Variants in PLPP1 observed in about 807,000 individuals in gnomAD.
PLPP1 encodes the protein lipid phosphate phosphohydrolase 1a.
A neutral mutation model predicts 31.2 loss-of-function variants in PLPP1; 24 were observed. The observed-to-expected ratio is 0.77, with a 90% CI of 0.56 to 1.08. PLPP1 has a LOEUF of 1.08. Among genes scored for constraint, PLPP1 ranks in the 50% least tolerant of loss-of-function variants. The pLI is 0.00. For synonymous variants in PLPP1, 146 were observed against 126.3 expected, an observed-to-expected ratio of 1.16 and a Z score of -1.05; for missense variants, 319 against 342.7, an observed-to-expected ratio of 0.93 and a Z score of 0.55.
At chr5:55,524,368 T>C (rs919057062) in intron 1 of PLPP1, among the ~76,000 whole-genome samples, 4 of 152,160 alleles carry the variant, frequency 2.6e-5, no homozygotes, top group African/African-American at 9.7e-5. Flanking sequence ...CTGTGGGCCA[T>C]GGGTCGGACA....
chr5:55,443,127 C>G (rs1464292404), intron 3 of PLPP1, among the ~76,000 whole-genome samples: 1 of 144,982 alleles, frequency 6.9e-6, no homozygotes, highest in Non-Finnish European at 1.5e-5. Context: ...ACTGGAAAGT[C>G]ACGTGTGTAT....
chr5:55,528,428 T>G (rs1740545615), intron 1 of PLPP1, among the ~76,000 whole-genome samples: 1 of 152,228 alleles, frequency 6.6e-6, no homozygotes, highest in Non-Finnish European at 1.5e-5. Context: ...ATCATTAGAC[T>G]CTGAGCCCTT....
intron 1 of PLPP1, among the ~76,000 whole-genome samples, chr5:55,512,409 T>TCAA (rs1753434931): frequency 6.6e-6 from 1 of 150,554 alleles, no homozygotes; most frequent in Non-Finnish European, 1.5e-5. Flanking sequence ...AAGTGGAGGT[T>TCAA]GTAGTGAGCT....
At chr5:55,458,116 T>C (rs948123991) in intron 3 of PLPP1, among the ~76,000 whole-genome samples, 5 of 152,190 alleles carry the variant, frequency 3.3e-5, no homozygotes, top group African/African-American at 1.2e-4. Flanking sequence ...CCCACTTCCA[T>C]TTTATTAAGT....
chr5:55,511,958 C>G (rs1753423489), intron 1 of PLPP1, among the ~76,000 whole-genome samples: 2 of 151,394 alleles, frequency 1.3e-5, no homozygotes, highest in African/African-American at 4.9e-5. Context: ...CTGAGCCACT[C>G]TACTAAAAAT....
chr5:55,475,657 CAA>C (rs1752522734), intron 1 of PLPP1, among the ~76,000 whole-genome samples: 3 of 152,294 alleles, frequency 2.0e-5, no homozygotes, highest in Admixed American at 1.3e-4. Context: ...CTACAGCAAA[CAA>C]AGTGTTCAAA....
chr5:55,485,693 TAA>T lies in PLPP1; in HGVS notation c.59-10245_59-10244del, dbSNP rs574707251. Among the ~76,000 whole-genome samples, 40 of 152,188 alleles carry T rather than the reference TAA, an allele frequency of 2.6e-4. 2 individuals are homozygous for T. The East Asian group carries it at 6.2e-3, about 23-fold the overall frequency. ...CAAGGGAGGGGAAAAACAGAAAATA[TAA>T]GAGACCAAATGAAAATATCTCATAT... On this transcript the variant is annotated intron_variant, in intron 1 of 5. Transcript: ENST00000307259.
At chr5:55,495,186 A>C (rs1343753482) in intron 1 of PLPP1, among the ~76,000 whole-genome samples, 1 of 152,076 alleles carries the variant, frequency 6.6e-6, no homozygotes, top group Non-Finnish European at 1.5e-5. Context: ...ATTCAGGGTA[A>C]AGATCAGAAG....
chr5:55,456,314 G>A lies in PLPP1; in HGVS notation c.491+11555C>T, dbSNP rs191102936. Among the ~76,000 whole-genome samples, 63 of 152,238 alleles carry A rather than the reference G, an allele frequency of 4.1e-4. 1 individual carries two copies. The highest frequency in any genetic ancestry group is 3.9e-3 in the Admixed American group (59 of 15,280). On this transcript the variant is annotated intron_variant, in intron 3 of 5. Transcript: ENST00000307259. ...TGTGCTACGTGCAAGAGAGAGAATG[G>A]CGGGGAGAAAAGAGAGTCAATGGGA...
intron 1 of PLPP1, among the ~76,000 whole-genome samples, chr5:55,498,621 C>A (rs1209439664): frequency 1.3e-5 from 2 of 151,768 alleles, no homozygotes; most frequent in African/African-American, 4.8e-5. Flanking sequence ...TCTTATGTAA[C>A]CATAAACTTA....
chr5:55,490,974 A>G (rs1561244240), intron 1 of PLPP1: 1 of 1,611,602 alleles, frequency 6.2e-7, no homozygotes, highest in Admixed American at 1.7e-5. Context: ...GAAATGGGCA[A>G]GCCAACCCCC....
chr5:55,534,431 G>T, intron 1 of PLPP1, 141 bp downstream of exon 1: 2 of 883,464 alleles, frequency 2.3e-6, no homozygotes, highest in Non-Finnish European at 3.2e-6. Context: ...GGGGTCCCTC[G>T]GCTGCAGAAG....
intron 5 of PLPP1, 72 bp downstream of exon 5, chr5:55,425,783 TTTTTTGGA>T: frequency 8.1e-7 from 1 of 1,230,578 alleles, no homozygotes; most frequent in South Asian, 1.8e-5. Flanking sequence ...CAGCTGGGGA[TTTTTTGGA>T]TTTTTTTTTT....
chr5:55,439,397 T>C (rs766610300), intron 4 of PLPP1, among the ~76,000 whole-genome samples: 2 of 152,202 alleles, frequency 1.3e-5, no homozygotes, highest in Admixed American at 6.5e-5. Flanking sequence ...GTACTCACTT[T>C]CCTTTTTCTG....
chr5:55,446,554 G>C (rs1751769345), intron 3 of PLPP1, among the ~76,000 whole-genome samples: 1 of 152,134 alleles, frequency 6.6e-6, no homozygotes, highest in African/African-American at 2.4e-5. Context: ...TCTCAGGGTA[G>C]CTTGTTTCCA....
At chr5:55,436,753 TAAAAG>T (rs1751502209) in intron 4 of PLPP1, among the ~76,000 whole-genome samples, 1 of 152,168 alleles carries the variant, frequency 6.6e-6, no homozygotes, top group African/African-American at 2.4e-5. Flanking sequence ...AAATTAATAT[TAAAAG>T]AAACTAGAAA....
chr5:55,479,169 T>C (rs1277441527), intron 1 of PLPP1, among the ~76,000 whole-genome samples: 1 of 151,902 alleles, frequency 6.6e-6, no homozygotes, highest in Non-Finnish European at 1.5e-5. Context: ...AGATTACAGG[T>C]GTGCACTACC....
rs11556062 is a variant in PLPP1, at chr5:55,467,970, G to A, written c.390C>T (p.Phe130=). 1 of 1,614,084 alleles carries A rather than the reference G, an allele frequency of 6.2e-7. No individual in the cohort carries two copies. The highest frequency in any genetic ancestry group is 1.7e-5 in the Admixed American group (1 of 60,008). ...KYSIGRLRPH[F]LDVCDPDWSK... ...ACCAATCTGGATCACAAACATCCAA[G>A]AAGTGAGGCCGCAGTCTGCCTATTG... is the stretch of plus-strand genomic sequence containing the variant. Residue 130 remains phenylalanine, a synonymous_variant, in exon 3 of 6, where the codon TTC becomes TTT. Transcript: ENST00000307259.
At chr5:55,449,094 T>C (rs1048445950) in intron 3 of PLPP1, among the ~76,000 whole-genome samples, 2 of 152,214 alleles carry the variant, frequency 1.3e-5, no homozygotes, top group Admixed American at 6.5e-5. Flanking sequence ...GAACTGATTG[T>C]ACAACATATT....
Sources: gnomAD v4.1 joint callset for allele counts (sites outside exome capture counted in the v4.1 genomes callset) on GRCh38, gnomAD v4.1.1 for gene constraint, MANE v1.5 for transcripts, NCBI Gene and HGNC (gene_info 2026-07-23, HGNC 2026-07-21) for gene names.